Variants in PPFIA2 observed in about 807,000 individuals in gnomAD.
PPFIA2 encodes the protein PPFI scaffold protein A2.
In PPFIA2, 46 loss-of-function variants were observed where a neutral mutation model predicts 175.5. The ratio of observed to expected loss-of-function variants is 0.26; its 90% CI spans 0.21 to 0.34. The LOEUF (loss-of-function observed/expected upper bound fraction) is 0.34. PPFIA2 is among the 10% of genes least tolerant of loss of function. PPFIA2 has a pLI of 1.00. For missense variants in PPFIA2, 1,179 were observed against 1,506.1 expected (o/e 0.78, Z 3.60); for synonymous variants, 568 against 511.4 (o/e 1.11, Z -1.49).
intron 7 of PPFIA2, among the ~76,000 whole-genome samples, chr12:81,414,804 A>G (rs1195130116): frequency 1.3e-5 from 2 of 151,602 alleles, no homozygotes; most frequent in Non-Finnish European, 3.0e-5. Context: ...GGGATTTACA[A>G]TTTAAACTTA....
At chr12:81,500,621 T>C (rs2060494080) in intron 4 of PPFIA2, among the ~76,000 whole-genome samples, 1 of 152,188 alleles carries the variant, frequency 6.6e-6, no homozygotes, top group Non-Finnish European at 1.5e-5. Context: ...TGTAACAAAT[T>C]ACTTGTTTTT....
At chr12:81,558,714 T>A (rs1233182390) in intron 4 of PPFIA2, among the ~76,000 whole-genome samples, 1 of 152,154 alleles carries the variant, frequency 6.6e-6, no homozygotes, top group Non-Finnish European at 1.5e-5. Context: ...GGTGGCTATG[T>A]ATTTCTGATC....
At chr12:81,351,201 AT>A (rs1165597841) in intron 17 of PPFIA2, among the ~76,000 whole-genome samples, 3 of 152,126 alleles carry the variant, frequency 2.0e-5, no homozygotes, top group Non-Finnish European at 4.4e-5. Flanking sequence ...GCAACAGTAC[AT>A]TTTTTTCATA....
rs1166219185 is a variant in PPFIA2, at chr12:81,584,871, TA to T, written c.303+91919del. Among the ~76,000 whole-genome samples, 78 of 113,922 alleles carry T rather than the reference TA, an allele frequency of 6.8e-4. 2 individuals carry two copies. The South Asian group carries it at 0.011, about 16-fold the overall frequency. 74.7% of individuals were successfully genotyped at this position (113,922 alleles called of 152,430 possible). A position where few individuals can be genotyped will look rare whatever the true frequency, so the allele number is the denominator to read the frequency against. On this transcript the variant is annotated intron_variant, in intron 4 of 32. Transcript: ENST00000549396. Reference sequence around the variant, plus strand: ...AATTATAAATATAATATAATTATATTATATAATTATATATTAATTATATTTA... The same window carrying T: ...AATTATAAATATAATATAATTATATTTATAATTATATATTAATTATATTTA...
At chr12:81,411,747 T>A (rs2044007267) in intron 7 of PPFIA2, among the ~76,000 whole-genome samples, 1 of 151,922 alleles carries the variant, frequency 6.6e-6, no homozygotes, top group Non-Finnish European at 1.5e-5. Flanking sequence ...GGAAACACAA[T>A]GGGAGGAAAA....
chr12:81,739,551 GA>G (rs1325080521), intron 3 of PPFIA2, among the ~76,000 whole-genome samples: 3 of 151,560 alleles, frequency 2.0e-5, no homozygotes, highest in African/African-American at 7.3e-5. Context: ...TCTTATCAGG[GA>G]AAACTTTCAA....
chr12:81,262,120 G>A (rs773939740), intron 31 of PPFIA2, 80 bp from the exon 32 acceptor site: 18 of 992,256 alleles, frequency 1.8e-5, no homozygotes, highest in Non-Finnish European at 2.3e-5. Context: ...TATTTTCCCT[G>A]CATACAGGGA....
At position 81,284,105 on chromosome 12, in the gene PPFIA2, A is replaced by AAAATGTTAG. The variant is rs1258754407; in HGVS notation, c.2988+127_2988+135dup. The AAAATGTTAG allele has an allele frequency of 1.6e-4, 108 of 680,264 alleles. No homozygotes were observed. In the African/African-American group the frequency reaches 1.7e-3, roughly 11 times the overall value. The allele number at this position is 680,264 out of a possible 1,614,324, so 42.1% of individuals were successfully genotyped here. ...AGAGTGCAGTAAAAGAAAACTGTAA[A>AAAATGTTAG]AAATGTTAGTTATCATTGCATGTAA... On this transcript the variant is annotated intron_variant, in intron 25 of 32. Transcript: ENST00000549396.
At chr12:81,458,841 C>A (rs550383308) in intron 4 of PPFIA2, among the ~76,000 whole-genome samples, 34 of 151,990 alleles carry the variant, frequency 2.2e-4, no homozygotes, top group Admixed American at 1.4e-3. Flanking sequence ...GAGTGATTTT[C>A]AGTAGTAACA....
chr12:81,466,355 A>G (rs1334455016), intron 4 of PPFIA2, among the ~76,000 whole-genome samples: 8 of 152,194 alleles, frequency 5.3e-5, no homozygotes, highest in African/African-American at 1.9e-4. Context: ...AACATGCTAC[A>G]AAAGTCATTC....
At position 81,421,129 on chromosome 12, in the gene PPFIA2, GT is replaced by G. The variant is rs569157211; in HGVS notation, c.646-15227del. Among the ~76,000 whole-genome samples, 376 of 152,072 alleles carry G rather than the reference GT, an allele frequency of 2.5e-3. 1 individual carries two copies. The highest frequency in any genetic ancestry group is 8.4e-3 in the African/African-American group (347 of 41,508). ...TCCAATACAAATGAAAATTGAAGGA[GT>G]TTTTCAACTATAGACCTGCCTTAAA... is the stretch of plus-strand genomic sequence containing the variant. On this transcript the variant is annotated intron_variant, in intron 7 of 32. Transcript: ENST00000549396.
rs922363501 is a variant in PPFIA2 at position 81,646,589 on chromosome 12, G to A, written c.303+30202C>T. On this transcript the variant is annotated intron_variant, in intron 4 of 32. Coordinates refer to ENST00000549396, the MANE Select transcript of PPFIA2 (RefSeq NM_003625.5). Reference sequence around the variant, plus strand: ...TCTTCTGAAAGTTAAAAATGGAAGAGGAACATTTTGACAAACCCTCTGACA... The same window carrying A: ...TCTTCTGAAAGTTAAAAATGGAAGAAGAACATTTTGACAAACCCTCTGACA... 5.9e-5 allele frequency among the ~76,000 whole-genome samples: 9 copies of A among 152,106 alleles called. No homozygotes were observed. The East Asian group carries it at 1.5e-3, about 26-fold the overall frequency.
intron 4 of PPFIA2, among the ~76,000 whole-genome samples, chr12:81,537,145 T>C (rs539585366): frequency 1.2e-4 from 18 of 151,724 alleles, no homozygotes; most frequent in African/African-American, 4.3e-4. Context: ...GTAGGCAAAA[T>C]GAAAAATTTA....
intron 22 of PPFIA2, chr12:81,312,041 T>C (rs2051037283): frequency 2.2e-6 from 2 of 898,296 alleles, no homozygotes; most frequent in Non-Finnish European, 3.4e-6. Flanking sequence ...ATGATTTTCA[T>C]TTCAGGTCAG....
chr12:81,707,698 T>G (rs1175496596), intron 3 of PPFIA2, among the ~76,000 whole-genome samples: 2 of 151,062 alleles, frequency 1.3e-5, no homozygotes, highest in Non-Finnish European at 3.0e-5. Context: ...CTATAAATCA[T>G]GCTGCTATAA....
At chr12:81,705,949 G>C (rs1431164070) in intron 3 of PPFIA2, among the ~76,000 whole-genome samples, 1 of 152,124 alleles carries the variant, frequency 6.6e-6, no homozygotes, top group Admixed American at 6.5e-5. Flanking sequence ...GTGGCTATTT[G>C]CCACGTGTTA....
In PPFIA2 at chr12:81,536,975, A is replaced by G. The variant is rs1306579650; in HGVS notation, c.304-79109T>C. ...GATAAGTTCCCCACCGGTTATTGAC[A>G]GGTTTATGGTTTTACGTTAGTAAAT... is the stretch of plus-strand genomic sequence containing the variant. On this transcript the variant is annotated intron_variant, in intron 4 of 32. Transcript: ENST00000549396. Among the ~76,000 whole-genome samples, 3 of 151,236 alleles carry G rather than the reference A, an allele frequency of 2.0e-5. No homozygotes were observed. The South Asian group carries it at 6.2e-4, about 31-fold the overall frequency.
At chr12:81,475,347 T>G (rs1223188163) in intron 4 of PPFIA2, among the ~76,000 whole-genome samples, 1 of 152,212 alleles carries the variant, frequency 6.6e-6, no homozygotes, top group Admixed American at 6.5e-5. Context: ...ACAAAAAATT[T>G]GTTCCTGATA....
intron 21 of PPFIA2, among the ~76,000 whole-genome samples, chr12:81,328,112 C>A (rs1020362313): frequency 2.6e-5 from 4 of 152,132 alleles, no homozygotes; most frequent in Admixed American, 1.3e-4. Context: ...CAGAATTGAC[C>A]TAGCTGCTTC....
Sources: allele counts gnomAD v4.1 joint callset (sites outside exome capture counted in the v4.1 genomes callset), GRCh38; gene constraint gnomAD v4.1.1; transcripts MANE v1.5; gene names NCBI Gene and HGNC (gene_info 2026-07-23, HGNC 2026-07-21).